SYNGR4: variants seen among roughly 807,000 people sequenced by gnomAD.
SYNGR4 encodes synaptogyrin-4.
SYNGR4 carries 15 observed loss-of-function variants against 15.5 expected under a neutral mutation model. The ratio of observed to expected loss-of-function variants is 0.97; its 90% CI spans 0.65 to 1.49. The LOEUF is 1.49. Among genes scored for constraint, SYNGR4 ranks in the 40% most tolerant of loss-of-function variants. The pLI is 0.00. For synonymous variants in SYNGR4, 121 were observed against 127.4 expected (o/e 0.95, Z 0.34); for missense variants, 292 against 299.3 (o/e 0.98, Z 0.18).
intron 4 of SYNGR4, 56 bp downstream of exon 4, chr19:48,375,808 G>C (rs1191557205): frequency 6.3e-7 from 1 of 1,585,780 alleles, no homozygotes; most frequent in Non-Finnish European, 8.6e-7. Flanking sequence ...TGCAGGGTGG[G>C]GTTGAAAGGG....
intron 2 of SYNGR4, among the ~76,000 whole-genome samples, chr19:48,372,653 A>G (rs1039909793): frequency 1.3e-5 from 2 of 151,900 alleles, no homozygotes; most frequent in African/African-American, 4.9e-5. Flanking sequence ...TGTCTCCAAA[A>G]AAAAAAACAG....
chr19:48,372,256 G>A lies in SYNGR4; in HGVS notation c.94-1261G>A, dbSNP rs187828720. On this transcript the variant is annotated intron_variant, in intron 2 of 4. Transcript: ENST00000344846. ...CCCAGTTCCATTATCTGAAACACAG[G>A]GCTGTGAGTAGTGCCCGTGTCCTAG... is the stretch of plus-strand genomic sequence containing the variant. 3.2e-4 allele frequency among the ~76,000 whole-genome samples: 48 copies of A among 152,198 alleles called. No homozygotes were observed. In the East Asian group the frequency reaches 8.5e-3, roughly 27 times the overall value.
chr19:48,369,364 A>G (rs1970270280), intron 2 of SYNGR4, among the ~76,000 whole-genome samples: 1 of 152,168 alleles, frequency 6.6e-6, no homozygotes, highest in Admixed American at 6.6e-5. Context: ...TCCCGGGCTC[A>G]TGTCACAGCC....
chr19:48,365,619 C>A (rs986978365), intron 1 of SYNGR4, 117 bp from the exon 2 acceptor site: 2 of 544,906 alleles, frequency 3.7e-6, no homozygotes, highest in East Asian at 3.1e-5. Context: ...TCACCCCACA[C>A]AACTCCATTC....
At chr19:48,364,688 C>T (rs574062763) in intron 1 of SYNGR4, among the ~76,000 whole-genome samples, 151 bp downstream of exon 1, 4 of 152,058 alleles carry the variant, frequency 2.6e-5, no homozygotes, top group East Asian at 1.9e-4. Flanking sequence ...GTGACAAGGA[C>T]AGCCTGAAAT....
chr19:48,366,856 CATATT>C (rs1409691405), intron 2 of SYNGR4, among the ~76,000 whole-genome samples: 2 of 152,068 alleles, frequency 1.3e-5, no homozygotes, highest in African/African-American at 4.8e-5. Flanking sequence ...TGGGGACTCT[CATATT>C]AGACAGTACA....
intron 2 of SYNGR4, among the ~76,000 whole-genome samples, chr19:48,370,312 C>T (rs537399037): frequency 5.9e-4 from 90 of 152,066 alleles, no homozygotes; most frequent in African/African-American, 1.8e-3. Context: ...ATAGCAATAC[C>T]GTCTCTACAA....
chr19:48,375,858 A>G, intron 4 of SYNGR4, 106 bp downstream of exon 4: 1 of 1,536,934 alleles, frequency 6.5e-7, no homozygotes, highest in Non-Finnish European at 8.7e-7. Context: ...CCTGGGGGTC[A>G]GGGGTCGGGG....
chr19:48,373,669 C>T lies in SYNGR4; in HGVS notation c.246C>T (p.Ala82=), dbSNP rs200538214. The T allele has an allele frequency of 6.2e-7, 1 of 1,613,954 alleles. No homozygotes were observed. Among genetic ancestry groups the T allele is most frequent in the Non-Finnish European group, 8.5e-7 (1 of 1,180,036 alleles). ...TCCTGGCCTTCCTCAGCTGCCTGGCCTTCCTCGTCCTGGACACACAGGAGA... is the reference window on the plus strand; with the variant it reads ...TCCTGGCCTTCCTCAGCTGCCTGGCTTTCCTCGTCCTGGACACACAGGAGA... ...AGFLAFLSCL[A]FLVLDTQETR... Residue 82 remains alanine, a synonymous_variant, in exon 3 of 5, where the codon GCC becomes GCT. Coordinates refer to ENST00000344846, the MANE Select transcript of SYNGR4 (RefSeq NM_012451.4).
At position 48,376,192 on chromosome 19, in the gene SYNGR4, C is replaced by T. The variant is rs1970401004; in HGVS notation, c.579C>T (p.Pro193=). The change falls in exon 5 of 5, where the codon CCC becomes CCT. Residue 193 remains proline, a synonymous_variant. Transcript: ENST00000344846. ...TGGTGCTGACCACCCTCCCCTTGCC[C>T]TCTGCCAACAGCCCTGTGAACATGC... ...GGMVLTTLPL[P]SANSPVNMPT... is the part of the protein sequence containing the mutation. 6.2e-7 allele frequency: 1 copy of T among 1,614,178 alleles called. No individual in the cohort carries two copies. Among genetic ancestry groups the T allele is most frequent in the South Asian group, 1.1e-5 (1 of 91,090 alleles).
intron 2 of SYNGR4, among the ~76,000 whole-genome samples, chr19:48,366,763 A>C (rs976855764): frequency 7.2e-5 from 11 of 152,088 alleles, no homozygotes; most frequent in African/African-American, 2.7e-4. Flanking sequence ...ACATGTGGCT[A>C]CCTCACTTTG....
intron 2 of SYNGR4, 148 bp downstream of exon 2, chr19:48,366,083 C>T: frequency 1.3e-6 from 1 of 765,154 alleles, no homozygotes; most frequent in Non-Finnish European, 2.1e-6. Context: ...CCACCTTTTC[C>T]TGAGCACCCC....
Position 48,376,084 on chromosome 19 carries a change from G to A in SYNGR4, c.472-1G>A. 6.2e-7 allele frequency: 1 copy of A among 1,614,126 alleles called. No homozygotes were observed. Among genetic ancestry groups the A allele is most frequent in the Non-Finnish European group, 8.5e-7 (1 of 1,180,042 alleles). ...TTCAGCACGCGCTTTTCTGCCCACA[G>A]ATATTCCAGGCCTACCTGGCATTCC... On this transcript the variant is annotated splice_acceptor_variant, in intron 4 of 4. Transcript: ENST00000344846. LOFTEE classifies it high-confidence loss of function.
intron 2 of SYNGR4, among the ~76,000 whole-genome samples, chr19:48,372,489 C>CAAA (rs879872610): frequency 7.1e-6 from 1 of 140,824 alleles, no homozygotes; most frequent in African/African-American, 2.6e-5. Flanking sequence ...ACTAAAAATA[C>CAAA]AAAAAAAAAA....
At chr19:48,375,986 G>T in intron 4 of SYNGR4, 99 bp from the exon 5 acceptor site, 1 of 1,581,802 alleles carries the variant, frequency 6.3e-7, no homozygotes, top group Non-Finnish European at 8.6e-7. Context: ...TCCAAACACC[G>T]GTATCTTTTG....
chr19:48,374,863 C>G (rs1256613063), intron 3 of SYNGR4, among the ~76,000 whole-genome samples: 2 of 151,800 alleles, frequency 1.3e-5, no homozygotes, highest in African/African-American at 4.8e-5. Flanking sequence ...GTAGTCCCAG[C>G]TACTCGGGAG....
chr19:48,375,664 G>A lies in SYNGR4; in HGVS notation c.383G>A (p.Trp128Ter). The change falls in exon 4 of 5, where the codon TGG becomes TAG. Residue 128 changes from tryptophan to a stop codon, truncating the protein, a stop_gained. Transcript: ENST00000344846. LOFTEE classifies it high-confidence loss of function. ...GGTTTCTGCTTCCTGGCCAACCAATGGCAGCATTCGCCGCCCAAAGAGTTC... is the reference window on the plus strand; with the variant it reads ...GGTTTCTGCTTCCTGGCCAACCAATAGCAGCATTCGCCGCCCAAAGAGTTC... The part of the protein sequence containing the change: ...FMGFCFLANQ[W>*]QHSPPKEFLL... 6.2e-7 allele frequency: 1 copy of A among 1,614,022 alleles called. No individual in the cohort carries two copies. Among genetic ancestry groups the A allele is most frequent in the Non-Finnish European group, 8.5e-7 (1 of 1,179,962 alleles).
intron 1 of SYNGR4, among the ~76,000 whole-genome samples, 157 bp from the exon 2 acceptor site, chr19:48,365,579 C>T (rs1373468776): frequency 6.6e-6 from 1 of 150,788 alleles, no homozygotes; most frequent in East Asian, 2.0e-4. Flanking sequence ...TCACCCCACA[C>T]CCTGACTCCT....
At chr19:48,371,671 G>C (rs183797331) in intron 2 of SYNGR4, among the ~76,000 whole-genome samples, 1 of 151,680 alleles carries the variant, frequency 6.6e-6, no homozygotes, top group African/African-American at 2.4e-5. Flanking sequence ...TTGACTTCTG[G>C]GTCTCAAGTG....
Sources: allele counts gnomAD v4.1 joint callset (sites outside exome capture counted in the v4.1 genomes callset), GRCh38; gene constraint gnomAD v4.1.1; transcripts MANE v1.5; gene names NCBI Gene and HGNC (gene_info 2026-07-23, HGNC 2026-07-21).